Variants in CHRND observed in about 807,000 individuals in gnomAD.
CHRND encodes cholinergic receptor nicotinic delta subunit.
In CHRND, 40 loss-of-function variants were observed where a neutral mutation model predicts 57.8. The observed-to-expected ratio is 0.69, with a 90% CI of 0.54 to 0.90. The LOEUF (loss-of-function observed/expected upper bound fraction) is 0.90. Among genes scored for constraint, CHRND ranks in the 40% least tolerant of loss-of-function variants. The pLI is 0.00. For synonymous variants in CHRND, 237 were observed against 270.6 expected (o/e 0.88, Z 1.22); for missense variants, 634 against 673.9 (o/e 0.94, Z 0.66).
chr2:232,529,073 C>T (rs1691589500), intron 6 of CHRND, 102 bp downstream of exon 6: 1 of 792,456 alleles, frequency 1.3e-6, no homozygotes, highest in Admixed American at 1.9e-5. Flanking sequence ...CACACACACA[C>T]TTAGGACACC....
At position 232,531,452 on chromosome 2, in the gene CHRND, C is replaced by A. The variant is rs1691694178; in HGVS notation, c.921C>A (p.Pro307=). ...TGCCTGCCACATCCATGGCCATCCC[C>A]CTTATCGGCAAGTGAGTGACGCTCA... The part of the protein sequence containing the change: ...KRLPATSMAI[P]LIGKFLLFGM... The change falls in exon 8 of 12, where the codon CCC becomes CCA. Residue 307 remains proline (P), a synonymous_variant. Coordinates refer to ENST00000258385, the MANE Select transcript of CHRND (RefSeq NM_000751.3). 1 of 1,614,028 alleles carries A rather than the reference C, an allele frequency of 6.2e-7. No homozygotes were observed. The highest frequency in any genetic ancestry group is 8.5e-7 in the Non-Finnish European group (1 of 1,179,974).
rs1407499481 is a variant in CHRND at position 232,534,050 on chromosome 2, G to C, written c.1167G>C (p.Glu389Asp). 1 of 1,614,026 alleles carries C rather than the reference G, an allele frequency of 6.2e-7. No individual in the cohort carries two copies. The highest frequency in any genetic ancestry group is 8.5e-7 in the Non-Finnish European group (1 of 1,180,058). The change falls in exon 10 of 12, where the codon GAG (glutamate) becomes GAC (aspartate). Residue 389 changes from glutamate to aspartate, a missense_variant. Transcript: ENST00000258385. Reference protein sequence around the residue: ...SSLGYISKAEEYFLLKSRSDL... With the variant: ...SSLGYISKAEDYFLLKSRSDL... ...TGGGATACATCTCCAAGGCCGAGGAGTACTTCCTGCTCAAGTCCCGCAGTG... is the reference window on the plus strand; with the variant it reads ...TGGGATACATCTCCAAGGCCGAGGACTACTTCCTGCTCAAGTCCCGCAGTG...
chr2:232,534,412 G>A (rs1691817167), intron 11 of CHRND, 70 bp downstream of exon 11: 2 of 1,484,172 alleles, frequency 1.3e-6, no homozygotes, highest in Admixed American at 1.7e-5. Flanking sequence ...TCTATCTTAA[G>A]AGGGCAGGGT....
intron 9 of CHRND, among the ~76,000 whole-genome samples, chr2:232,533,680 C>A (rs1691784933): frequency 6.6e-6 from 1 of 152,160 alleles, no homozygotes; most frequent in Non-Finnish European, 1.5e-5. Flanking sequence ...GAGAGCAAGA[C>A]CATCCTGGCC....
chr2:232,526,472 C>G, intron 1 of CHRND, 57 bp from the exon 2 acceptor site: 3 of 1,611,484 alleles, frequency 1.9e-6, no homozygotes, highest in Non-Finnish European at 2.5e-6. Flanking sequence ...AGGGCAGCTT[C>G]CTTCCTGAGT....
At chr2:232,529,147 G>A (rs1051583235) in intron 6 of CHRND, among the ~76,000 whole-genome samples, 176 bp downstream of exon 6, 1 of 152,132 alleles carries the variant, frequency 6.6e-6, no homozygotes, top group Non-Finnish European at 1.5e-5. Context: ...GCCCACAGAG[G>A]AGCACACAGA....
At position 232,536,195 on chromosome 2, in the gene CHRND, G is replaced by C; in HGVS notation, c.*883G>C. On this transcript the variant is annotated 3_prime_UTR_variant, in exon 12 of 12. Coordinates refer to ENST00000258385, the MANE Select transcript of CHRND (RefSeq NM_000751.3). ...TTGGGAGACAAGGGTCTGTTTGTAT[G>C]GTGGTCCACCTCCAAGATGGCCCCA... The C allele has an allele frequency of 2.2e-6, 1 of 454,144 alleles. No homozygotes were observed. Among genetic ancestry groups the C allele is most frequent in the Non-Finnish European group, 4.4e-6 (1 of 226,798 alleles). 28.1% of individuals were successfully genotyped at this position (454,144 alleles called of 1,614,324 possible).
At chr2:232,534,189 C>T in intron 10 of CHRND, 35 bp from the exon 11 acceptor site, 1 of 1,613,180 alleles carries the variant, frequency 6.2e-7, no homozygotes, top group East Asian at 2.2e-5. Context: ...TGGGTGGAGG[C>T]AGGCCTCACA....
intron 6 of CHRND, among the ~76,000 whole-genome samples, chr2:232,529,353 G>A (rs1378347669): frequency 2.0e-5 from 3 of 152,160 alleles, no homozygotes; most frequent in Non-Finnish European, 1.5e-5. Flanking sequence ...ATCCTGATGG[G>A]GGTGTCTGCC....
intron 9 of CHRND, among the ~76,000 whole-genome samples, chr2:232,532,190 G>A (rs952838230): frequency 7.2e-5 from 11 of 151,874 alleles, no homozygotes; most frequent in South Asian, 2.1e-4. Flanking sequence ...AGCAGGGACC[G>A]GGTGTGGTAG....
chr2:232,530,587 G>A (rs3791729), intron 7 of CHRND, among the ~76,000 whole-genome samples: 44,626 of 152,056 alleles, frequency 0.29, 7,542 homozygotes, highest in Admixed American at 0.43. Flanking sequence ...CAAGTTCAGA[G>A]TATTTACTAT....
At chr2:232,531,188 C>T (rs924184184) in intron 7 of CHRND, among the ~76,000 whole-genome samples, 164 bp from the exon 8 acceptor site, 1 of 152,172 alleles carries the variant, frequency 6.6e-6, no homozygotes, top group Non-Finnish European at 1.5e-5. Context: ...GATATTTGCA[C>T]CCAGGCACTC....
At chr2:232,531,242 C>T (rs779973557) in intron 7 of CHRND, 110 bp from the exon 8 acceptor site, 67 of 787,364 alleles carry the variant, frequency 8.5e-5, no homozygotes, top group Admixed American at 2.0e-4. Context: ...GATGGTACTA[C>T]AGAGGTGCCA....
chr2:232,529,931 G>A lies in CHRND; in HGVS notation c.620-8G>A, dbSNP rs377074477. The stretch of plus-strand genomic sequence containing the variant: ...CCTGACCCTAAGATGTCCATGTGCC[G>A]CCCTCAGAGAACGGGGAGTGGGAGA... On this transcript the variant is annotated splice_region_variant and splice_polypyrimidine_tract_variant and intron_variant, in intron 6 of 11. Coordinates refer to ENST00000258385, the MANE Select transcript of CHRND (RefSeq NM_000751.3). The A allele has an allele frequency of 3.9e-4, 634 of 1,613,634 alleles. 6 individuals are homozygous for A. In the South Asian group the frequency reaches 6.0e-3, roughly 15 times the overall value.
Position 232,530,155 on chromosome 2 carries a change from C to G in CHRND, c.820+16C>G, listed in dbSNP as rs751238043. The G allele has an allele frequency of 6.2e-7, 1 of 1,613,184 alleles. No homozygotes were observed. Among genetic ancestry groups the G allele is most frequent in the Admixed American group, 1.7e-5 (1 of 60,024 alleles). On this transcript the variant is annotated intron_variant, in intron 7 of 11. Coordinates refer to ENST00000258385, the MANE Select transcript of CHRND (RefSeq NM_000751.3). ...CCGGCTGACAGTGAGCCTCCAGGCC[C>G]CGTCCCCTGCTCCCCCTCCCCAAGC...
Position 232,530,030 on chromosome 2 carries a change from C to A in CHRND, c.711C>A (p.Thr237=). 1.2e-6 allele frequency: 2 copies of A among 1,614,152 alleles called. No homozygotes were observed. Among genetic ancestry groups the A allele is most frequent in the Non-Finnish European group, 1.7e-6 (2 of 1,180,030 alleles). ...ACAGCCCCAGCCGCCAGGACATCAC[C>A]TTCTACCTCATCATCCGCCGCAAGC... ...PLDSPSRQDI[T]FYLIIRRKPL... The change falls in exon 7 of 12, where the codon ACC becomes ACA. Residue 237 remains threonine (T), a synonymous_variant. Transcript: ENST00000258385.
rs771477279 is a variant in CHRND, at chr2:232,526,178, C to T, written c.-38C>T. 6.4e-7 allele frequency: 1 copy of T among 1,574,216 alleles called. No individual in the cohort carries two copies. Among genetic ancestry groups the T allele is most frequent in the East Asian group, 2.3e-5 (1 of 44,344 alleles). ...CACCCTCATTCCACAGCCCTGTAGA[C>T]AGGAGGGGCAGATGCACGTCCCAGT... On this transcript the variant is annotated 5_prime_UTR_variant, in exon 1 of 12. Transcript: ENST00000258385.
chr2:232,533,595 T>G (rs2106213889), intron 9 of CHRND, among the ~76,000 whole-genome samples: 1 of 152,258 alleles, frequency 6.6e-6, no homozygotes, highest in Middle Eastern at 3.4e-3. Context: ...TAAAATGGCC[T>G]TTTTGGCCAG....
chr2:232,535,081 T>C, intron 11 of CHRND, 49 bp from the exon 12 acceptor site: 1 of 1,606,808 alleles, frequency 6.2e-7, no homozygotes, highest in South Asian at 1.1e-5. Flanking sequence ...GGGTGGGGCT[T>C]TGTGGCCTGA....
Sources: gnomAD v4.1 joint callset for allele counts (sites outside exome capture counted in the v4.1 genomes callset) on GRCh38, gnomAD v4.1.1 for gene constraint, MANE v1.5 for transcripts, NCBI Gene and HGNC (gene_info 2026-07-23, HGNC 2026-07-21) for gene names.